The following PTPRT variants were observed in gnomAD, a reference collection of about 807,000 sequenced individuals.
PTPRT encodes protein tyrosine phosphatase receptor type T.
Under a neutral mutation model 176.8 loss-of-function variants are expected in PTPRT, and 56 were observed. The observed-to-expected ratio is 0.32, with a 90% CI of 0.26 to 0.40. PTPRT has a LOEUF of 0.40. Ranked by LOEUF, PTPRT falls within the 10% of genes least tolerant of loss-of-function variation. PTPRT has a pLI of 1.00. For synonymous variants in PTPRT, 783 were observed against 739.0 expected, an observed-to-expected ratio of 1.06 and a Z score of -0.96; for missense variants, 1,540 against 1,908.2, an observed-to-expected ratio of 0.81 and a Z score of 3.60.
chr20:42,713,374 T>C (rs560597397), intron 6 of PTPRT, among the ~76,000 whole-genome samples: 1 of 152,052 alleles, frequency 6.6e-6, no homozygotes, highest in African/African-American at 2.4e-5. Context: ...ATCAAGAAAA[T>C]TCCCAAAAGC....
intron 23 of PTPRT, among the ~76,000 whole-genome samples, chr20:42,109,741 C>G (rs1986843111): frequency 6.6e-6 from 1 of 152,194 alleles, no homozygotes; most frequent in African/African-American, 2.4e-5. Context: ...GCCCACCTCT[C>G]CAGACTGGAC....
chr20:42,921,798 G>GT (rs1979163082), intron 1 of PTPRT, among the ~76,000 whole-genome samples: 1 of 152,128 alleles, frequency 6.6e-6, no homozygotes, highest in Non-Finnish European at 1.5e-5. Context: ...CCCTCCTCAA[G>GT]ACCACCCATG....
intron 7 of PTPRT, among the ~76,000 whole-genome samples, chr20:42,617,660 A>C (rs1212011924): frequency 1.4e-5 from 2 of 138,642 alleles, no homozygotes; most frequent in South Asian, 2.2e-4. Flanking sequence ...TTCCTGGTTT[A>C]GTCTTGGGAG....
chr20:43,130,336 C>A (rs1452641868), intron 1 of PTPRT, among the ~76,000 whole-genome samples: 1 of 152,098 alleles, frequency 6.6e-6, no homozygotes, highest in Non-Finnish European at 1.5e-5. Flanking sequence ...TTACCCCACC[C>A]CCTACCCCCA....
the PTPRT span, among the ~76,000 whole-genome samples, chr20:42,062,812 A>T: frequency 6.6e-6 from 1 of 152,088 alleles, no homozygotes; most frequent in African/African-American, 2.4e-5. Context: ...GAAAACCTAA[A>T]ATCTCCTTGT....
intron 5 of PTPRT, among the ~76,000 whole-genome samples, chr20:42,769,281 GA>G (rs937007607): frequency 3.0e-4 from 46 of 152,276 alleles, no homozygotes; most frequent in African/African-American, 1.1e-3. Flanking sequence ...CTAACCACAG[GA>G]AATGGCTTAA....
At position 42,734,368 on chromosome 20, in the gene PTPRT, AG is replaced by A. The variant is rs372087203; in HGVS notation, c.859+22093del. On this transcript the variant is annotated intron_variant, in intron 6 of 30. Coordinates refer to ENST00000373187, the MANE Select transcript of PTPRT (RefSeq NM_007050.6). ...TTCCAATCACCAGCAGGAACCCAAG[AG>A]AGAGTCCCTCTAGCCCTGAGAGTCT... Among the ~76,000 whole-genome samples the A allele has an allele frequency of 5.3e-5, 8 of 152,308 alleles. 1 individual carries two copies. The highest frequency in any genetic ancestry group is 1.9e-4 in the African/African-American group (8 of 41,562).
chr20:42,083,251 G>A (rs1156681463), intron 29 of PTPRT, among the ~76,000 whole-genome samples: 1 of 152,022 alleles, frequency 6.6e-6, no homozygotes, highest in African/African-American at 2.4e-5. Context: ...GAGGTGAGTA[G>A]ACACAGGGTC....
intron 7 of PTPRT, among the ~76,000 whole-genome samples, chr20:42,512,276 TCA>T (rs1484417105): frequency 6.6e-6 from 1 of 152,186 alleles, no homozygotes; most frequent in African/African-American, 2.4e-5. Flanking sequence ...CCTTCCATAG[TCA>T]CAGTGTCCCT....
downstream of PTPRT, among the ~76,000 whole-genome samples, chr20:42,071,147 G>C (rs1172409540): frequency 1.3e-5 from 2 of 152,178 alleles, no homozygotes; most frequent in East Asian, 1.9e-4. Context: ...AACCCTGCCA[G>C]GGTTCCCAAG....
At chr20:42,684,824 C>T (rs1164776710) in intron 6 of PTPRT, among the ~76,000 whole-genome samples, 1 of 152,178 alleles carries the variant, frequency 6.6e-6, no homozygotes, top group Admixed American at 6.5e-5. Flanking sequence ...TGGTTCCAGA[C>T]TTTATCATTA....
At chr20:42,088,196 C>A (rs974670095) in intron 27 of PTPRT, among the ~76,000 whole-genome samples, 4 of 152,132 alleles carry the variant, frequency 2.6e-5, no homozygotes, top group Non-Finnish European at 5.9e-5. Flanking sequence ...CTGGGGGTTA[C>A]CCTGAAGATA....
chr20:42,381,305 C>T (rs770755373), intron 9 of PTPRT, among the ~76,000 whole-genome samples: 11 of 152,102 alleles, frequency 7.2e-5, no homozygotes, highest in East Asian at 1.9e-4. Flanking sequence ...GACAACAAAA[C>T]GTGAGCAGAA....
At chr20:43,089,082 G>A (rs150912889) in intron 1 of PTPRT, among the ~76,000 whole-genome samples, 1,764 of 152,200 alleles carry the variant, frequency 0.012, 15 homozygotes, top group Non-Finnish European at 0.018. Flanking sequence ...GCTTATTTGA[G>A]GGCCAAATAC....
chr20:43,110,197 A>C (rs1396580042), intron 1 of PTPRT, among the ~76,000 whole-genome samples: 3 of 152,342 alleles, frequency 2.0e-5, no homozygotes, highest in Admixed American at 1.3e-4. Flanking sequence ...AGCAAGAAAG[A>C]AAGCAAGAGA....
chr20:42,734,718 C>A (rs2076512793), intron 6 of PTPRT, among the ~76,000 whole-genome samples: 1 of 152,204 alleles, frequency 6.6e-6, no homozygotes, highest in Admixed American at 6.5e-5. Flanking sequence ...TCAGTTAGCT[C>A]CAGGCTGTGT....
rs904018873 is a variant in PTPRT at position 43,189,398 on chromosome 20, G to C, written c.88+248C>G. Among the ~76,000 whole-genome samples the C allele has an allele frequency of 1.2e-4, 18 of 152,316 alleles. No individual in the cohort carries two copies. The highest frequency in any genetic ancestry group is 7.7e-4 in the East Asian group (4 of 5,162). ...AAAGTTACTCCAGCCCGGGGGGCCG[G>C]CAGGAAACTGAAGCGGGGAACTTCG... On this transcript the variant is annotated intron_variant, in intron 1 of 30. Coordinates refer to ENST00000373187, the MANE Select transcript of PTPRT (RefSeq NM_007050.6). This position sits in a 1 kb window ranked among gnomAD's most constrained non-coding sequence, Gnocchi z 5.0.
chr20:42,534,866 G>A (rs771667772), intron 7 of PTPRT, among the ~76,000 whole-genome samples: 10 of 152,106 alleles, frequency 6.6e-5, no homozygotes, highest in African/African-American at 1.4e-4. Flanking sequence ...TAAGGTGACT[G>A]TGGGAATAAA....
At chr20:42,960,645 C>G (rs934207095) in intron 1 of PTPRT, among the ~76,000 whole-genome samples, 1 of 152,080 alleles carries the variant, frequency 6.6e-6, no homozygotes, top group Admixed American at 6.6e-5. Context: ...TCCTCTCCCC[C>G]CAGTATTGGG....
Sources: allele counts gnomAD v4.1 joint callset (sites outside exome capture counted in the v4.1 genomes callset), GRCh38; gene constraint gnomAD v4.1.1; non-coding constraint Gnocchi (gnomAD v3.1); transcripts MANE v1.5; gene names NCBI Gene and HGNC (gene_info 2026-07-23, HGNC 2026-07-21).